The following IL17RD variants were observed in gnomAD, a reference collection of about 807,000 sequenced individuals.
The protein encoded by IL17RD is interleukin-17 receptor D.
In IL17RD, 52 loss-of-function variants were observed where a neutral mutation model predicts 80.5. That is an observed-to-expected ratio of 0.65 (90% CI 0.52 to 0.81). The LOEUF is 0.81. Among genes scored for constraint, IL17RD ranks in the 40% least tolerant of loss-of-function variants. The pLI, the probability that IL17RD is intolerant of heterozygous loss-of-function variation, is 0.00. For synonymous variants in IL17RD, 416 were observed against 391.8 expected (o/e 1.06, Z -0.73); for missense variants, 1,024 against 955.1 (o/e 1.07, Z -0.95).
intron 1 of IL17RD, among the ~76,000 whole-genome samples, chr3:57,152,849 T>C (rs1264668611): frequency 6.6e-6 from 1 of 152,188 alleles, no homozygotes; most frequent in African/African-American, 2.4e-5. Context: ...TAAAGTAGCC[T>C]TTACTGGAAA....
chr3:57,102,202 C>G (rs997983305), intron 10 of IL17RD, among the ~76,000 whole-genome samples: 3 of 152,190 alleles, frequency 2.0e-5, no homozygotes, highest in Non-Finnish European at 4.4e-5. Context: ...CCTGGGAAGT[C>G]GAGCCTGCAG....
intron 11 of IL17RD, among the ~76,000 whole-genome samples, chr3:57,100,731 T>C (rs1276480844): frequency 2.6e-5 from 4 of 152,162 alleles, no homozygotes; most frequent in African/African-American, 9.7e-5. Context: ...CCGTCCTTCA[T>C]TCCCCTTCTC....
chr3:57,116,890 TAA>T (rs35526728), intron 2 of IL17RD, among the ~76,000 whole-genome samples: 111,023 of 136,274 alleles, frequency 0.81, 45,626 homozygotes, highest in South Asian at 0.94. Context: ...CCCAAAATAT[TAA>T]AAAAAAAAAA....
In IL17RD at chr3:57,098,484, A is replaced by G; in HGVS notation, c.1219T>C (p.Trp407Arg). 1 of 1,613,684 alleles carries G rather than the reference A, an allele frequency of 6.2e-7. No homozygotes were observed. Among genetic ancestry groups the G allele is most frequent in the Non-Finnish European group, 8.5e-7 (1 of 1,179,726 alleles). The stretch of plus-strand genomic sequence containing the variant: ...GACTCGTGGATCTTCTGGATGACCC[A>G]TTCTCTCTGCCCTTCTCTACAGAGG... The part of the protein sequence containing the change: ...FSLCREGQRE[W>R]VIQKIHESQF... The change falls in exon 12 of 13, where the codon TGG becomes CGG. Residue 407 changes from tryptophan to arginine, a missense_variant. By Grantham distance (101) the Trp-to-Arg change is moderately radical (BLOSUM62 -3). Transcript: ENST00000296318.
intron 1 of IL17RD, among the ~76,000 whole-genome samples, chr3:57,128,826 G>C (rs1707548494): frequency 6.6e-6 from 1 of 152,004 alleles, no homozygotes; most frequent in African/African-American, 2.4e-5. Flanking sequence ...CTTTCTCCCT[G>C]GGTTTAAAAA....
At chr3:57,134,832 G>A (rs1023020720) in intron 1 of IL17RD, 12 of 366,660 alleles carry the variant, frequency 3.3e-5, no homozygotes, top group Admixed American at 7.4e-5. Flanking sequence ...TAAGAATGGG[G>A]GCTAGGTGTG....
chr3:57,141,321 A>G (rs1444304694), intron 1 of IL17RD, among the ~76,000 whole-genome samples: 1 of 152,238 alleles, frequency 6.6e-6, no homozygotes, highest in African/African-American at 2.4e-5. Flanking sequence ...GAACAGAACC[A>G]TGTCATCTTA....
At chr3:57,122,943 C>T (rs1213610169) in intron 1 of IL17RD, among the ~76,000 whole-genome samples, 4 of 151,388 alleles carry the variant, frequency 2.6e-5, no homozygotes, top group Non-Finnish European at 5.9e-5. Context: ...TGTTCCAGTT[C>T]CCTTATATTT....
chr3:57,103,411 A>C (rs1343923259), intron 8 of IL17RD, among the ~76,000 whole-genome samples: 2 of 152,208 alleles, frequency 1.3e-5, no homozygotes, highest in East Asian at 3.9e-4. Flanking sequence ...TATTCATTGA[A>C]GAAGTCAGCT....
rs1161104569 is a variant in IL17RD, at chr3:57,118,376, A to G, written c.184+1880T>C. Among the ~76,000 whole-genome samples the G allele has an allele frequency of 3.3e-5, 5 of 152,242 alleles. 1 individual carries two copies. The highest frequency in any genetic ancestry group is 3.3e-4 in the Admixed American group (5 of 15,282). On this transcript the variant is annotated intron_variant, in intron 2 of 12. Transcript: ENST00000296318. ...CACATATTTGTATCTTAAAATTGTT[A>G]GATTGTAACCGCAACTTTTACAATC...
intron 1 of IL17RD, among the ~76,000 whole-genome samples, chr3:57,132,696 C>T (rs1707637540): frequency 6.6e-6 from 1 of 152,158 alleles, no homozygotes; most frequent in Non-Finnish European, 1.5e-5. Context: ...GCACATAAAC[C>T]CATCAAGACA....
chr3:57,134,564 C>T lies in IL17RD; in HGVS notation c.127-14251G>A, dbSNP rs4681958. 2,081 of 1,376,124 alleles carry T rather than the reference C, an allele frequency of 1.5e-3. 24 individuals are homozygous for T. The African/African-American group carries it at 0.026, about 17-fold the overall frequency. 85.2% of individuals were successfully genotyped at this position (1,376,124 alleles called of 1,614,324 possible). On this transcript the variant is annotated intron_variant, in intron 1 of 12. Coordinates refer to ENST00000296318, the MANE Select transcript of IL17RD (RefSeq NM_017563.5). ...AGTGGATTCTCATGGAACACATCCT[C>T]AAGCTGAAGGCAGACAAGGCCCACA...
At chr3:57,121,219 C>A (rs1486250306) in intron 1 of IL17RD, among the ~76,000 whole-genome samples, 1 of 152,194 alleles carries the variant, frequency 6.6e-6, no homozygotes, top group African/African-American at 2.4e-5. Flanking sequence ...AGTTTCCACT[C>A]AACAAGAAGG....
At chr3:57,097,532 A>C (rs1000110814) in intron 12 of IL17RD, 64 bp downstream of exon 12, 1 of 1,315,090 alleles carries the variant, frequency 7.6e-7, no homozygotes, top group Non-Finnish European at 1.1e-6. Context: ...AAACGCTTTG[A>C]CTGATTTCAG....
intron 1 of IL17RD, among the ~76,000 whole-genome samples, chr3:57,139,363 C>T (rs185149728): frequency 2.6e-5 from 4 of 151,958 alleles, no homozygotes; most frequent in Non-Finnish European, 2.9e-5. Context: ...ACATGAAAAC[C>T]ATCTTTTTAA....
intron 1 of IL17RD, chr3:57,164,810 C>T: frequency 1.2e-6 from 1 of 825,702 alleles, no homozygotes; most frequent in Non-Finnish European, 1.5e-6. Context: ...CAGCCCGGGA[C>T]ACGCAGCCCT....
intron 1 of IL17RD, among the ~76,000 whole-genome samples, chr3:57,126,554 C>G (rs1047680275): frequency 1.3e-5 from 2 of 152,234 alleles, no homozygotes; most frequent in Non-Finnish European, 2.9e-5. Flanking sequence ...TGAAGGTGAT[C>G]AGACAGCCAA....
chr3:57,144,702 G>T (rs1707892637), intron 1 of IL17RD, among the ~76,000 whole-genome samples: 1 of 135,228 alleles, frequency 7.4e-6, no homozygotes, highest in African/African-American at 2.9e-5. Flanking sequence ...CGTCAACCAG[G>T]GCAGGTGGAC....
chr3:57,113,373 G>A (rs1707140420), intron 3 of IL17RD, among the ~76,000 whole-genome samples: 1 of 152,132 alleles, frequency 6.6e-6, no homozygotes, highest in South Asian at 2.1e-4. Flanking sequence ...AAGTAACTGG[G>A]ATTACAGGCA....
Sources: allele counts gnomAD v4.1 joint callset (sites outside exome capture counted in the v4.1 genomes callset), GRCh38; gene constraint gnomAD v4.1.1; transcripts MANE v1.5; gene names NCBI Gene and HGNC (gene_info 2026-07-23, HGNC 2026-07-21).